Variants in SYT1 observed in about 807,000 individuals in gnomAD.
SYT1 encodes the protein synaptotagmin-1.
SYT1 carries 8 observed loss-of-function variants against 44.8 expected under a neutral mutation model. The ratio of observed to expected loss-of-function variants is 0.18; its 90% CI spans 0.10 to 0.32. The LOEUF (loss-of-function observed/expected upper bound fraction) is 0.32. Among genes scored for constraint, SYT1 ranks in the 10% least tolerant of loss-of-function variants. The probability of loss-of-function intolerance (pLI) is 1.00; values close to 1 mark genes in which losing one functional copy is unlikely to be tolerated. For missense variants in SYT1, 286 were observed against 509.3 expected (o/e 0.56, Z 4.22); for synonymous variants, 154 against 188.8 (o/e 0.82, Z 1.51).
At chr12:79,364,804 G>T (rs532404981) in intron 9 of SYT1, among the ~76,000 whole-genome samples, 1 of 152,072 alleles carries the variant, frequency 6.6e-6, no homozygotes, top group Non-Finnish European at 1.5e-5. Context: ...TGCACATTTC[G>T]TGATAGTGCA....
At chr12:79,308,241 G>C (rs1056593628) in intron 8 of SYT1, among the ~76,000 whole-genome samples, 2 of 152,142 alleles carry the variant, frequency 1.3e-5, no homozygotes, top group Non-Finnish European at 2.9e-5. Context: ...GAAGTGCGGA[G>C]AGGCAGGCCG....
chr12:79,339,846 A>G (rs1190825467), intron 8 of SYT1, among the ~76,000 whole-genome samples: 3 of 152,290 alleles, frequency 2.0e-5, no homozygotes, highest in Admixed American at 6.5e-5. Flanking sequence ...TAATTTTTGT[A>G]TAAGGTGTAA....
chr12:79,244,716 A>AG (rs202027432), intron 4 of SYT1, among the ~76,000 whole-genome samples: 5 of 144,830 alleles, frequency 3.5e-5, no homozygotes, highest in East Asian at 2.0e-4. Flanking sequence ...AAAAAGAAGA[A>AG]AAAAAAAAAA....
chr12:79,446,347 A>G (rs537388844), intron 10 of SYT1, among the ~76,000 whole-genome samples: 1 of 152,164 alleles, frequency 6.6e-6, no homozygotes, highest in African/African-American at 2.4e-5. Context: ...TAGATCTAAC[A>G]ATAAGATTAA....
chr12:79,192,313 T>C lies in SYT1; in HGVS notation c.-17-25190T>C, dbSNP rs377425562. ...AAATCATTGTTTGATTCTCCTTTGATAGAATTACCAGTTGATATCATTAAG... is the reference window on the plus strand; with the variant it reads ...AAATCATTGTTTGATTCTCCTTTGACAGAATTACCAGTTGATATCATTAAG... On this transcript the variant is annotated intron_variant, in intron 3 of 10. Transcript: ENST00000261205. 7.9e-5 allele frequency among the ~76,000 whole-genome samples: 12 copies of C among 152,284 alleles called. No individual in the cohort carries two copies. In the East Asian group the frequency reaches 2.1e-3, roughly 27 times the overall value.
chr12:79,041,087 A>G (rs1294795212), intron 2 of SYT1, among the ~76,000 whole-genome samples: 1 of 151,964 alleles, frequency 6.6e-6, no homozygotes, highest in Non-Finnish European at 1.5e-5. Flanking sequence ...TTTTGGCTTA[A>G]GATTGACTTG....
intron 3 of SYT1, among the ~76,000 whole-genome samples, chr12:79,199,618 C>T (rs1873662091): frequency 6.6e-6 from 1 of 152,130 alleles, no homozygotes; most frequent in Admixed American, 6.6e-5. Context: ...CCAAAGCCTG[C>T]TTCTGACACC....
At chr12:78,922,494 A>T in intron 1 of SYT1, among the ~76,000 whole-genome samples, 1 of 152,010 alleles carries the variant, frequency 6.6e-6, no homozygotes, top group Non-Finnish European at 1.5e-5. Context: ...TGGAAAATTA[A>T]AAAAATTCTC....
At chr12:79,020,762 G>A (rs190709211) in intron 2 of SYT1, among the ~76,000 whole-genome samples, 15 of 151,968 alleles carry the variant, frequency 9.9e-5, no homozygotes, top group Non-Finnish European at 1.5e-4. Context: ...TCATTCTAAT[G>A]TTTAAATAGC....
intron 3 of SYT1, among the ~76,000 whole-genome samples, chr12:79,097,163 AGATGTGGATGTAAT>A (rs1878182518): frequency 6.6e-6 from 1 of 151,956 alleles, no homozygotes; most frequent in African/African-American, 2.4e-5. Flanking sequence ...CTGAAGCCAC[AGATGTGGATGTAAT>A]TACTAAAAGT....
intron 1 of SYT1, among the ~76,000 whole-genome samples, chr12:78,948,994 T>C (rs1319808253): frequency 7.5e-6 from 1 of 133,064 alleles, no homozygotes; most frequent in Non-Finnish European, 1.7e-5. Flanking sequence ...TATTATATTA[T>C]ATTACATTAT....
At chr12:78,993,738 A>T (rs899032776) in intron 2 of SYT1, among the ~76,000 whole-genome samples, 1 of 152,222 alleles carries the variant, frequency 6.6e-6, no homozygotes, top group Non-Finnish European at 1.5e-5. Context: ...GATTTCATAT[A>T]GCCCAATCTA....
chr12:79,398,536 T>C (rs1311706834), intron 9 of SYT1, among the ~76,000 whole-genome samples: 1 of 152,152 alleles, frequency 6.6e-6, no homozygotes, highest in African/African-American at 2.4e-5. Flanking sequence ...AGTAAACGTT[T>C]AACAGAATAT....
At chr12:79,017,114 A>G in intron 2 of SYT1, among the ~76,000 whole-genome samples, 1 of 152,164 alleles carries the variant, frequency 6.6e-6, no homozygotes, top group East Asian at 1.9e-4. Context: ...AGGTGGCTTT[A>G]AAAAACAACC....
At position 79,446,892 on chromosome 12, in the gene SYT1, C is replaced by T. The variant is rs1209997065; in HGVS notation, c.1063-2026C>T. 6.6e-5 allele frequency among the ~76,000 whole-genome samples: 10 copies of T among 152,234 alleles called. No individual in the cohort carries two copies. The East Asian group carries it at 1.9e-3, about 29-fold the overall frequency. ...CTTATTCCTATGGAAACTAACACCT[C>T]CTGGCATTTAATTTTTTTAATTCCA... On this transcript the variant is annotated intron_variant, in intron 10 of 10. Coordinates refer to ENST00000261205, the MANE Select transcript of SYT1 (RefSeq NM_005639.3).
chr12:78,876,918 T>C (rs1874198500), intron 1 of SYT1, among the ~76,000 whole-genome samples: 1 of 111,854 alleles, frequency 8.9e-6, no homozygotes, highest in South Asian at 2.4e-4. Flanking sequence ...ATGTATTATA[T>C]ATAATATATA....
chr12:79,361,242 C>A (rs1883304019), intron 9 of SYT1, among the ~76,000 whole-genome samples: 2 of 152,102 alleles, frequency 1.3e-5, no homozygotes, highest in African/African-American at 4.8e-5. Flanking sequence ...CCAGTACAAC[C>A]CTATGAGGTA....
At chr12:79,054,739 C>T (rs1874804568) in intron 3 of SYT1, among the ~76,000 whole-genome samples, 1 of 151,772 alleles carries the variant, frequency 6.6e-6, no homozygotes, top group Non-Finnish European at 1.5e-5. Flanking sequence ...TTAGTAATTA[C>T]AAATATAGAA....
At chr12:79,118,659 C>T (rs1879428811) in intron 3 of SYT1, among the ~76,000 whole-genome samples, 1 of 152,128 alleles carries the variant, frequency 6.6e-6, no homozygotes, top group African/African-American at 2.4e-5. Context: ...GTGTTAGCTC[C>T]TCTAGTTTCC....
Sources: allele counts gnomAD v4.1 joint callset (sites outside exome capture counted in the v4.1 genomes callset), GRCh38; gene constraint gnomAD v4.1.1; transcripts MANE v1.5; gene names NCBI Gene and HGNC (gene_info 2026-07-23, HGNC 2026-07-21).